Variants in RBFOX1 observed in about 807,000 individuals in gnomAD.
RBFOX1 encodes the protein RNA binding fox-1 homolog 1.
In RBFOX1, 8 loss-of-function variants were observed where a neutral mutation model predicts 57.7. The ratio of observed to expected loss-of-function variants is 0.14; its 90% CI spans 0.08 to 0.25. RBFOX1 has a LOEUF of 0.25. RBFOX1 is among the 10% of genes least tolerant of loss of function. The pLI, the probability that RBFOX1 is intolerant of heterozygous loss-of-function variation, is 1.00. For synonymous variants in RBFOX1, 326 were observed against 222.4 expected, an observed-to-expected ratio of 1.47 and a Z score of -4.15; for missense variants, 611 against 548.5, an observed-to-expected ratio of 1.11 and a Z score of -1.14.
At chr16:5,486,789 G>GTT (rs112522616) in intron 2 of RBFOX1, among the ~76,000 whole-genome samples, 65 of 147,314 alleles carry the variant, frequency 4.4e-4, no homozygotes, top group African/African-American at 1.3e-3. Flanking sequence ...AAAACTCAGT[G>GTT]TTTTTTTTTT....
chr16:6,365,745 C>G (rs575167863), intron 2 of RBFOX1, among the ~76,000 whole-genome samples: 3 of 152,308 alleles, frequency 2.0e-5, no homozygotes, highest in Non-Finnish European at 4.4e-5. Flanking sequence ...TGCTTTTTAG[C>G]TTGAGTACCT....
At chr16:7,217,494 T>C (rs1428350374) in intron 4 of RBFOX1, among the ~76,000 whole-genome samples, 1 of 152,004 alleles carries the variant, frequency 6.6e-6, no homozygotes, top group African/African-American at 2.4e-5. Context: ...TTGTTCCTGG[T>C]GTTCGGGAGT....
At chr16:6,835,440 G>A (rs2093023625) in intron 3 of RBFOX1, among the ~76,000 whole-genome samples, 1 of 152,056 alleles carries the variant, frequency 6.6e-6, no homozygotes, top group Non-Finnish European at 1.5e-5. Flanking sequence ...AAATCTCAGT[G>A]CCTTAACACA....
At chr16:5,745,850 A>G (rs1774878244) in intron 3 of RBFOX1, among the ~76,000 whole-genome samples, 1 of 152,150 alleles carries the variant, frequency 6.6e-6, no homozygotes, top group South Asian at 2.1e-4. Flanking sequence ...CCTTTGGCAG[A>G]TGAGTAGATT....
intron 3 of RBFOX1, among the ~76,000 whole-genome samples, chr16:7,007,535 T>C (rs1162339537): frequency 1.3e-5 from 2 of 152,192 alleles, no homozygotes; most frequent in African/African-American, 2.4e-5. Context: ...CATGGGTATC[T>C]TGGGGAAGTG....
chr16:5,543,752 C>G (rs138629463), intron 2 of RBFOX1, among the ~76,000 whole-genome samples: 2 of 151,980 alleles, frequency 1.3e-5, no homozygotes, highest in Admixed American at 6.6e-5. Flanking sequence ...AGTGTTCAAG[C>G]TTAGTGATAT....
chr16:6,974,969 C>G (rs139837766), intron 3 of RBFOX1, among the ~76,000 whole-genome samples: 5 of 152,178 alleles, frequency 3.3e-5, no homozygotes, highest in African/African-American at 1.2e-4. Flanking sequence ...AAGAATCTTC[C>G]TCTGCTTCTG....
chr16:5,816,254 C>G (rs2055631668), intron 3 of RBFOX1, among the ~76,000 whole-genome samples: 4 of 152,298 alleles, frequency 2.6e-5, no homozygotes, highest in Admixed American at 2.0e-4. Context: ...CTCCCCTTGG[C>G]TACCTATTCC....
chr16:6,520,216 T>A (rs2096472107), intron 2 of RBFOX1, among the ~76,000 whole-genome samples: 1 of 152,206 alleles, frequency 6.6e-6, no homozygotes, highest in Admixed American at 6.5e-5. Context: ...GGTATGTGCT[T>A]TTTAAAGAAA....
chr16:5,951,978 G>T (rs1323053997), intron 4 of RBFOX1, among the ~76,000 whole-genome samples: 1 of 150,792 alleles, frequency 6.6e-6, no homozygotes, highest in African/African-American at 2.4e-5. Context: ...AGATTTGGGG[G>T]CCTCGCATAT....
In RBFOX1 at chr16:5,391,936, G is replaced by A. The variant is rs933903870; in HGVS notation, c.220-75280G>A. ...ACACACATATATATACACACACAAT[G>A]GAATACTACTCAGCCATAAAAAGGA... On this transcript the variant is annotated intron_variant, in intron 1 of 2. Transcript: ENST00000585867. 1.3e-4 allele frequency among the ~76,000 whole-genome samples: 20 copies of A among 151,210 alleles called. 1 individual carries two copies. The East Asian group carries it at 3.3e-3, about 25-fold the overall frequency.
chr16:5,792,778 G>C (rs919067526), intron 3 of RBFOX1, among the ~76,000 whole-genome samples: 3 of 152,216 alleles, frequency 2.0e-5, no homozygotes, highest in East Asian at 1.9e-4. Context: ...TGGAGGTGGA[G>C]GTTGCAGTGA....
chr16:6,887,828 A>G (rs547233987), intron 3 of RBFOX1, among the ~76,000 whole-genome samples: 8 of 151,956 alleles, frequency 5.3e-5, no homozygotes, highest in Non-Finnish European at 7.4e-5. Flanking sequence ...ACACCTGGCT[A>G]ATTTTTATAT....
At position 7,516,369 on chromosome 16, in the gene RBFOX1, C is replaced by A. The variant is rs577698755; in HGVS notation, c.28-1778C>A. On this transcript the variant is annotated intron_variant, in intron 4 of 15. Transcript: ENST00000550418. The stretch of plus-strand genomic sequence containing the variant: ...CCATCTGATTGGCCAGGCTGATGTC[C>A]TATGGCTCATCTCGTAGCGACTGGG... Among the ~76,000 whole-genome samples, 36 of 152,200 alleles carry A rather than the reference C, an allele frequency of 2.4e-4. No homozygotes were observed. The South Asian group carries it at 7.5e-3, about 32-fold the overall frequency.
chr16:7,225,119 A>G (rs1172023383), intron 4 of RBFOX1, among the ~76,000 whole-genome samples: 3 of 152,222 alleles, frequency 2.0e-5, no homozygotes, highest in Admixed American at 6.5e-5. Context: ...GCTTATCATC[A>G]TCATCATCAC....
chr16:5,437,419 C>A (rs894150796), intron 1 of RBFOX1, among the ~76,000 whole-genome samples: 15 of 152,186 alleles, frequency 9.9e-5, no homozygotes, highest in African/African-American at 3.1e-4. Flanking sequence ...CTGAGAAATT[C>A]TCACAAGGAA....
At chr16:5,917,059 G>A (rs534983044) in intron 4 of RBFOX1, among the ~76,000 whole-genome samples, 2 of 152,142 alleles carry the variant, frequency 1.3e-5, no homozygotes, top group East Asian at 1.9e-4. Context: ...TCCCTTCACC[G>A]CACCCTGCAG....
intron 4 of RBFOX1, among the ~76,000 whole-genome samples, chr16:5,920,574 A>G (rs1272056509): frequency 1.3e-5 from 2 of 152,110 alleles, no homozygotes; most frequent in Non-Finnish European, 2.9e-5. Context: ...CCTAGTCTCA[A>G]GAGCACAGCC....
At chr16:6,819,724 AAAAAAAAT>A (rs1456500305) in intron 3 of RBFOX1, among the ~76,000 whole-genome samples, 6 of 144,090 alleles carry the variant, frequency 4.2e-5, no homozygotes, top group Admixed American at 1.4e-4. Flanking sequence ...AAAAAAAAAA[AAAAAAAAT>A]AACAACACCA....
Sources: allele counts gnomAD v4.1 joint callset (sites outside exome capture counted in the v4.1 genomes callset), GRCh38; gene constraint gnomAD v4.1.1; transcripts MANE v1.5; gene names NCBI Gene and HGNC (gene_info 2026-07-23, HGNC 2026-07-21).